The following RANGAP1 variants were observed in gnomAD, a reference collection of about 807,000 sequenced individuals.
The protein encoded by RANGAP1 is ran GTPase-activating protein 1.
A neutral mutation model predicts 63.5 loss-of-function variants in RANGAP1; 38 were observed. The observed-to-expected ratio is 0.60, with a 90% CI of 0.46 to 0.78. The LOEUF (loss-of-function observed/expected upper bound fraction) is 0.78. Ranked by LOEUF, RANGAP1 falls within the 30% of genes least tolerant of loss-of-function variation. The probability of loss-of-function intolerance (pLI) is 0.00; values close to 1 mark genes in which losing one functional copy is unlikely to be tolerated. For synonymous variants in RANGAP1, 329 were observed against 310.5 expected (o/e 1.06, Z -0.63); for missense variants, 630 against 740.3 (o/e 0.85, Z 1.73).
rs1371039790 is a variant in RANGAP1, at chr22:41,280,614, C to T, written c.112+319G>A. ...TTAAGGGCAAGGGTGGGGACAACAC[C>T]GGATATTAAGTCAGAGTCAGAGGCT... On this transcript the variant is annotated intron_variant, in intron 2 of 15. Coordinates refer to ENST00000356244, the MANE Select transcript of RANGAP1 (RefSeq NM_002883.4). 7 of 1,236,082 alleles carry T rather than the reference C, an allele frequency of 5.7e-6. No individual in the cohort carries two copies. The Admixed American group carries it at 9.1e-5, about 16-fold the overall frequency. The allele number at this position is 1,236,082 out of a possible 1,614,324, so 76.6% of individuals were successfully genotyped here. A position where few individuals can be genotyped will look rare whatever the true frequency, so the allele number is the denominator to read the frequency against.
chr22:41,298,142 G>T, the RANGAP1 span, among the ~76,000 whole-genome samples: 34 of 151,836 alleles, frequency 2.2e-4, no homozygotes, highest in Non-Finnish European at 4.3e-4. Context: ...ACAGGCATGA[G>T]CCACCGTGCC....
chr22:41,272,896 A>G (rs898261782), intron 3 of RANGAP1, among the ~76,000 whole-genome samples: 1 of 151,492 alleles, frequency 6.6e-6, no homozygotes, highest in African/African-American at 2.4e-5. Flanking sequence ...CACTGAAACC[A>G]CTGCCTCCCA....
chr22:41,254,251 C>G, intron 11 of RANGAP1, 57 bp downstream of exon 11: 4 of 1,601,916 alleles, frequency 2.5e-6, no homozygotes, highest in Non-Finnish European at 3.4e-6. Flanking sequence ...GAAAGTGCCT[C>G]GGGATTTCAC....
intron 2 of RANGAP1, 74 bp from the exon 3 acceptor site, chr22:41,274,801 C>T: frequency 1.3e-6 from 2 of 1,576,428 alleles, no homozygotes; most frequent in Non-Finnish European, 8.6e-7. Flanking sequence ...AGGTTGGCAA[C>T]CACCTTGCCA....
In RANGAP1 at chr22:41,256,056, C is replaced by T. The variant is rs138652267; in HGVS notation, c.1038G>A (p.Glu346=). 71 of 1,613,930 alleles carry T rather than the reference C, an allele frequency of 4.4e-5. No homozygotes were observed. Among genetic ancestry groups the T allele is most frequent in the Non-Finnish European group, 1.0e-5 (12 of 1,180,046 alleles). ...EGCEQLQEVL[E]GFNMAKVLAS... ...CCAGCACCTTGGCCATGTTGAAGCC[C>T]TCCAGCACCTCCTGAAGCTGTTCAC... The change falls in exon 10 of 16, where the codon GAG becomes GAA. Residue 346 remains glutamate (E), a synonymous_variant. Transcript: ENST00000356244.
At chr22:41,268,189 G>A in intron 3 of RANGAP1, 33 bp from the exon 4 acceptor site, 4 of 1,497,112 alleles carry the variant, frequency 2.7e-6, no homozygotes, top group Middle Eastern at 1.7e-4. Flanking sequence ...GTTAGCGGGA[G>A]AGAGACCCCT....
upstream of RANGAP1, among the ~76,000 whole-genome samples, chr22:41,288,564 CA>C (rs1489568380): frequency 6.6e-6 from 1 of 152,182 alleles, no homozygotes; most frequent in Non-Finnish European, 1.5e-5. Context: ...GGGTGATCCG[CA>C]GGCTCCCTTT....
intron 3 of RANGAP1, among the ~76,000 whole-genome samples, chr22:41,274,163 G>A (rs8141708): frequency 7.9e-5 from 12 of 151,996 alleles, no homozygotes; most frequent in African/African-American, 1.9e-4. Flanking sequence ...CTATTGCTGC[G>A]GCATTTGAGC....
At chr22:41,278,542 T>C (rs1443923253) in intron 2 of RANGAP1, among the ~76,000 whole-genome samples, 1 of 152,226 alleles carries the variant, frequency 6.6e-6, no homozygotes, top group Non-Finnish European at 1.5e-5. Flanking sequence ...GCATTTGCCA[T>C]CAAATCTCTG....
At chr22:41,271,575 T>C (rs1287975157) in intron 3 of RANGAP1, among the ~76,000 whole-genome samples, 2 of 150,806 alleles carry the variant, frequency 1.3e-5, no homozygotes, top group African/African-American at 2.4e-5. Context: ...GCACCCGTAG[T>C]CCCAGCCACT....
chr22:41,268,372 A>G (rs1400214321), intron 3 of RANGAP1, among the ~76,000 whole-genome samples: 1 of 151,860 alleles, frequency 6.6e-6, no homozygotes. Flanking sequence ...TCTCCTGCCT[A>G]AGCCTCCGGA....
chr22:41,269,456 C>T (rs916228547), intron 3 of RANGAP1, among the ~76,000 whole-genome samples: 2 of 151,826 alleles, frequency 1.3e-5, no homozygotes, highest in African/African-American at 4.8e-5. Flanking sequence ...TAGAAGATGC[C>T]GGGCATGGTG....
the RANGAP1 span, among the ~76,000 whole-genome samples, chr22:41,294,647 G>A: frequency 7.0e-6 from 1 of 142,526 alleles, no homozygotes; most frequent in Admixed American, 7.0e-5. Context: ...GGGAAGTGAG[G>A]AGCATCTCTG....
chr22:41,249,598 C>T, intron 14 of RANGAP1, 131 bp downstream of exon 14: 1 of 1,528,108 alleles, frequency 6.5e-7, no homozygotes, highest in South Asian at 1.2e-5. Context: ...GGGGCAGACC[C>T]AGGCCTCGGG....
chr22:41,266,779 G>A (rs540172854), intron 4 of RANGAP1, among the ~76,000 whole-genome samples: 35 of 151,646 alleles, frequency 2.3e-4, no homozygotes, highest in African/African-American at 6.3e-4. Flanking sequence ...GGTGATCCAC[G>A]TGCACCGCCC....
intron 12 of RANGAP1, 117 bp downstream of exon 12, chr22:41,252,755 T>C: frequency 2.4e-6 from 3 of 1,226,430 alleles, no homozygotes; most frequent in African/African-American, 1.6e-5. Context: ...AGGCCAAGCC[T>C]CCCTGCCCCC....
the RANGAP1 span, among the ~76,000 whole-genome samples, chr22:41,293,755 T>G: frequency 7.5e-6 from 1 of 133,272 alleles, no homozygotes; most frequent in Non-Finnish European, 1.6e-5. Flanking sequence ...CTCCAGACTC[T>G]GTCTCAAAAA....
In RANGAP1 at chr22:41,246,682, AAG is replaced by A; in HGVS notation, c.1695-12_1695-11del. 3 of 1,556,102 alleles carry A rather than the reference AAG, an allele frequency of 1.9e-6. No individual in the cohort carries two copies. Among genetic ancestry groups the A allele is most frequent in the South Asian group, 1.2e-5 (1 of 84,750 alleles). ...CAGGGCGCTGTTGGGCCTGCGGGGA[AAG>A]AGGGGTCAGCAGGTCGGTGGATGCC... On this transcript the variant is annotated splice_polypyrimidine_tract_variant and intron_variant, in intron 15 of 15. Coordinates refer to ENST00000356244, the MANE Select transcript of RANGAP1 (RefSeq NM_002883.4).
chr22:41,254,230 T>A, intron 11 of RANGAP1, 78 bp downstream of exon 11: 1 of 1,533,414 alleles, frequency 6.5e-7, no homozygotes, highest in Non-Finnish European at 9.0e-7. Context: ...AGACACCCCC[T>A]ACCCCATTGT....
Sources: gnomAD v4.1 joint callset for allele counts (sites outside exome capture counted in the v4.1 genomes callset) on GRCh38, gnomAD v4.1.1 for gene constraint, MANE v1.5 for transcripts, NCBI Gene and HGNC (gene_info 2026-07-23, HGNC 2026-07-21) for gene names.